LIMCH1: variants seen among roughly 807,000 people sequenced by gnomAD.
The protein encoded by LIMCH1 is LIM and calponin homology domains-containing protein 1.
Under a neutral mutation model 176.5 loss-of-function variants are expected in LIMCH1, and 113 were observed. The observed-to-expected ratio is 0.64, with a 90% confidence interval of 0.55 to 0.75. The LOEUF (loss-of-function observed/expected upper bound fraction) is 0.75, where lower values mean the gene tolerates loss of function less well. LIMCH1 is among the 30% of genes least tolerant of loss of function. The pLI, the probability that LIMCH1 is intolerant of heterozygous loss-of-function variation, is 0.00. For synonymous variants in LIMCH1, 619 were observed against 645.9 expected, an observed-to-expected ratio of 0.96 and a Z score of 0.63; for missense variants, 1,674 against 1,814.9, an observed-to-expected ratio of 0.92 and a Z score of 1.41.
At chr4:41,470,672 C>A (rs2066818138) in intron 1 of LIMCH1, among the ~76,000 whole-genome samples, 1 of 152,194 alleles carries the variant, frequency 6.6e-6, no homozygotes, top group Non-Finnish European at 1.5e-5. Context: ...TCTTACACAA[C>A]CCCTTAACAA....
chr4:41,491,543 C>T (rs867852348), intron 1 of LIMCH1, among the ~76,000 whole-genome samples: 7 of 148,390 alleles, frequency 4.7e-5, no homozygotes, highest in African/African-American at 1.0e-4. Flanking sequence ...ACTGGGCGGC[C>T]GGGTAGAGGC....
At chr4:41,416,307 A>G (rs1300687479) in intron 1 of LIMCH1, among the ~76,000 whole-genome samples, 1 of 152,210 alleles carries the variant, frequency 6.6e-6, no homozygotes, top group African/African-American at 2.4e-5. Flanking sequence ...TAACAATAAT[A>G]TTGAAACCCA....
chr4:41,374,931 A>G (rs2054510287), intron 1 of LIMCH1, among the ~76,000 whole-genome samples: 1 of 152,170 alleles, frequency 6.6e-6, no homozygotes, highest in East Asian at 1.9e-4. Flanking sequence ...CTCATTCATG[A>G]TCACCAGGGA....
chr4:41,613,242 A>T, intron 4 of LIMCH1: 1 of 902,742 alleles, frequency 1.1e-6, no homozygotes, highest in Non-Finnish European at 1.7e-6. Flanking sequence ...ATTTTTTTAA[A>T]AAAAACGTTG....
chr4:41,581,510 A>C (rs2085429272), intron 1 of LIMCH1, among the ~76,000 whole-genome samples: 2 of 152,098 alleles, frequency 1.3e-5, no homozygotes, highest in Non-Finnish European at 1.5e-5. Flanking sequence ...AGTGACTTTA[A>C]ATTCCACAAG....
chr4:41,594,815 A>G (rs758262030), intron 1 of LIMCH1, among the ~76,000 whole-genome samples: 15 of 152,292 alleles, frequency 9.8e-5, no homozygotes, highest in Non-Finnish European at 2.2e-4. Flanking sequence ...TGGGATGCAC[A>G]TAGGAGGAGC....
At chr4:41,530,329 C>T (rs909654937) in intron 3 of LIMCH1, among the ~76,000 whole-genome samples, 1 of 152,138 alleles carries the variant, frequency 6.6e-6, no homozygotes, top group Non-Finnish European at 1.5e-5. Context: ...GGGTGTCTAG[C>T]TGTCAAGAAA....
At chr4:41,509,310 G>T (rs1013673077) in intron 2 of LIMCH1, among the ~76,000 whole-genome samples, 1 of 152,170 alleles carries the variant, frequency 6.6e-6, no homozygotes, top group Admixed American at 6.5e-5. Flanking sequence ...TTCTGTAGAT[G>T]ATTAGATGGA....
chr4:41,480,146 A>G (rs1342564484), intron 1 of LIMCH1, among the ~76,000 whole-genome samples: 3 of 152,210 alleles, frequency 2.0e-5, no homozygotes, highest in Non-Finnish European at 2.9e-5. Context: ...ACTGTTGTCA[A>G]TCAGACTTCC....
rs186900083 is a variant in LIMCH1, at chr4:41,455,673, A to T, written c.97-38863A>T. On this transcript the variant is annotated intron_variant, in intron 1 of 26. Coordinates refer to the LIMCH1 transcript ENST00000313860. The stretch of plus-strand genomic sequence containing the variant: ...AACCCAAATAAAACAGCTGTATGGC[A>T]AACATGCTGATGAGGACCTCTGCAT... Among the ~76,000 whole-genome samples the T allele has an allele frequency of 8.5e-5, 13 of 152,372 alleles. No homozygotes were observed. In the East Asian group the frequency reaches 2.5e-3, roughly 29 times the overall value.
intron 1 of LIMCH1, among the ~76,000 whole-genome samples, chr4:41,413,236 T>A (rs891305598): frequency 2.9e-4 from 39 of 132,454 alleles, no homozygotes; most frequent in South Asian, 7.3e-4. Context: ...TTTTTTTTTT[T>A]AAATATCAGT....
chr4:41,614,110 C>G (rs749428924), intron 5 of LIMCH1, among the ~76,000 whole-genome samples: 71 of 152,176 alleles, frequency 4.7e-4, no homozygotes, highest in Non-Finnish European at 7.8e-4. Context: ...GTTCTGAAGC[C>G]TGGGATTGTG....
intron 1 of LIMCH1, among the ~76,000 whole-genome samples, chr4:41,403,851 C>T (rs2058706348): frequency 6.6e-6 from 1 of 152,196 alleles, no homozygotes; most frequent in Non-Finnish European, 1.5e-5. Context: ...TGGAAACCAC[C>T]TTCCGTTTTC....
rs751455059 is a variant in LIMCH1, at chr4:41,605,879, C to T, written c.-102-15C>T. 6.5e-6 allele frequency: 10 copies of T among 1,545,822 alleles called. No homozygotes were observed. Among genetic ancestry groups the T allele is most frequent in the African/African-American group, 2.7e-5 (2 of 73,436 alleles). On this transcript the variant is annotated splice_polypyrimidine_tract_variant and intron_variant, in intron 3 of 31. Coordinates refer to ENST00000503057, the MANE Select transcript of LIMCH1 (RefSeq NM_001330672.2). ...CTTGAGGGAAAAATCTGCTCTTGTGCGTTTTGTTCCACAGGTATTAGTTAC... is the reference window on the plus strand; with the variant it reads ...CTTGAGGGAAAAATCTGCTCTTGTGTGTTTTGTTCCACAGGTATTAGTTAC...
chr4:41,436,327 C>T (rs1055664871), intron 1 of LIMCH1, among the ~76,000 whole-genome samples: 1 of 152,174 alleles, frequency 6.6e-6, no homozygotes, highest in African/African-American at 2.4e-5. Context: ...TCCAGTTTAC[C>T]TCTCCTTGAG....
rs1328470552 is a variant in LIMCH1 at position 41,475,601 on chromosome 4, AC to A, written c.97-18932del. The stretch of plus-strand genomic sequence containing the variant: ...GGTTGTTAAACAAACATTTTAGAAC[AC>A]CCTTAGTCCTAGGTCATTTCTCAGG... On this transcript the variant is annotated intron_variant, in intron 1 of 26. Coordinates refer to the LIMCH1 transcript ENST00000313860. 3.3e-5 allele frequency among the ~76,000 whole-genome samples: 5 copies of A among 152,086 alleles called. No homozygotes were observed. The South Asian group carries it at 1.0e-3, about 32-fold the overall frequency.
intron 1 of LIMCH1, among the ~76,000 whole-genome samples, chr4:41,583,020 GCT>G (rs1477043670): frequency 2.0e-5 from 3 of 152,162 alleles, no homozygotes; most frequent in African/African-American, 7.2e-5. Flanking sequence ...CGTTTGCATT[GCT>G]GTGCAAGCAT....
chr4:41,612,329 A>G lies in LIMCH1; in HGVS notation c.10-1137A>G, dbSNP rs1356721987. 13 of 547,724 alleles carry G rather than the reference A, an allele frequency of 2.4e-5. 1 individual carries two copies. Among genetic ancestry groups the G allele is most frequent in the Admixed American group, 6.4e-5 (2 of 31,346 alleles). 33.9% of individuals were successfully genotyped at this position (547,724 alleles called of 1,614,324 possible). ...TAGACCAGTTTCCAAAACTGCTAAC[A>G]TGAAGAATATTTATTTTTCCTTTCT... is the stretch of plus-strand genomic sequence containing the variant. On this transcript the variant is annotated intron_variant, in intron 4 of 31. Transcript: ENST00000503057.
intron 10 of LIMCH1, among the ~76,000 whole-genome samples, chr4:41,632,152 G>T (rs2093359443): frequency 6.6e-6 from 1 of 152,166 alleles, no homozygotes; most frequent in Non-Finnish European, 1.5e-5. Flanking sequence ...ATTTGGTTCT[G>T]TGGGCTGGTC....
Sources: allele counts gnomAD v4.1 joint callset (sites outside exome capture counted in the v4.1 genomes callset), GRCh38; gene constraint gnomAD v4.1.1; transcripts MANE v1.5; gene names NCBI Gene and HGNC (gene_info 2026-07-23, HGNC 2026-07-21).